The following DOCK2 variants were observed in gnomAD, a reference collection of about 807,000 sequenced individuals.
DOCK2 encodes dedicator of cytokinesis 2.
A neutral mutation model predicts 248.9 loss-of-function variants in DOCK2; 87 were observed. The ratio of observed to expected loss-of-function variants is 0.35; its 90% confidence interval spans 0.29 to 0.42. The LOEUF is 0.42. DOCK2 is among the 10% of genes least tolerant of loss of function. The probability of loss-of-function intolerance (pLI) is 1.00; values close to 1 mark genes in which losing one functional copy is unlikely to be tolerated. For missense variants in DOCK2, 1,747 were observed against 2,300.2 expected, an observed-to-expected ratio of 0.76 and a Z score of 4.92; for synonymous variants, 805 against 821.6, an observed-to-expected ratio of 0.98 and a Z score of 0.35.
intron 9 of DOCK2, 73 bp from the exon 10 acceptor site, chr5:169,695,730 A>G (rs768964322): frequency 3.8e-6 from 6 of 1,591,086 alleles, no homozygotes; most frequent in Admixed American, 3.6e-5. Flanking sequence ...AATTACTATT[A>G]CTGGGTTTTC....
chr5:169,658,875 G>A (rs1758279884), intron 2 of DOCK2, among the ~76,000 whole-genome samples: 2 of 150,916 alleles, frequency 1.3e-5, no homozygotes, highest in Non-Finnish European at 3.0e-5. Flanking sequence ...TGAAAAATAA[G>A]GCAAAAAAAG....
chr5:169,986,060 T>A, intron 29 of DOCK2, 138 bp downstream of exon 29: 1 of 774,624 alleles, frequency 1.3e-6, no homozygotes, highest in Non-Finnish European at 1.9e-6. Context: ...TTTCTATCTT[T>A]AAACCCAGGG....
chr5:169,689,176 G>A, intron 8 of DOCK2, 76 bp from the exon 9 acceptor site: 1 of 1,439,578 alleles, frequency 6.9e-7, no homozygotes, highest in Non-Finnish European at 9.8e-7. Context: ...GCACATAGTA[G>A]ATGCTTGGTG....
At chr5:169,694,846 A>T (rs932098906) in intron 9 of DOCK2, among the ~76,000 whole-genome samples, 4 of 152,020 alleles carry the variant, frequency 2.6e-5, no homozygotes, top group Admixed American at 6.6e-5. Context: ...ATGGTGGCTC[A>T]TGCCTGTAGT....
intron 25 of DOCK2, among the ~76,000 whole-genome samples, chr5:169,794,634 ATTTAC>A: frequency 6.6e-6 from 1 of 152,248 alleles, no homozygotes; most frequent in African/African-American, 2.4e-5. Flanking sequence ...GTTAAAAGTT[ATTTAC>A]TTTAGCTGGG....
intron 27 of DOCK2, among the ~76,000 whole-genome samples, chr5:169,932,011 C>T (rs1038561198): frequency 6.6e-6 from 1 of 152,312 alleles, no homozygotes; most frequent in Admixed American, 6.5e-5. Flanking sequence ...CAGCCATAAG[C>T]CCAACAGAGT....
At chr5:169,724,493 G>T (rs1762367076) in intron 22 of DOCK2, among the ~76,000 whole-genome samples, 1 of 152,114 alleles carries the variant, frequency 6.6e-6, no homozygotes, top group South Asian at 2.1e-4. Flanking sequence ...CCTGATGGGA[G>T]CTTCAGCACC....
chr5:170,045,962 G>T (rs1005362987), intron 39 of DOCK2, 57 bp downstream of exon 39: 1 of 1,536,792 alleles, frequency 6.5e-7, no homozygotes. Flanking sequence ...CAGGGCCTCA[G>T]CTCACCCCAG....
At chr5:170,014,640 G>A (rs930599823) in intron 32 of DOCK2, among the ~76,000 whole-genome samples, 8 of 131,650 alleles carry the variant, frequency 6.1e-5, no homozygotes, top group East Asian at 5.3e-4. Flanking sequence ...CATGTGTTGG[G>A]GGGGGTAGAC....
At chr5:169,741,485 T>A (rs1447984825) in intron 22 of DOCK2, among the ~76,000 whole-genome samples, 1 of 152,188 alleles carries the variant, frequency 6.6e-6, no homozygotes, top group East Asian at 1.9e-4. Context: ...TCCTTGACTC[T>A]TGTCTTAAAG....
intron 23 of DOCK2, 76 bp downstream of exon 23, chr5:169,747,580 CT>C: frequency 7.6e-7 from 1 of 1,312,030 alleles, no homozygotes; most frequent in Non-Finnish European, 1.1e-6. Flanking sequence ...ATAATATCTT[CT>C]TTTACTTAAA....
chr5:169,702,590 G>A, intron 14 of DOCK2, 163 bp downstream of exon 14: 1 of 964,700 alleles, frequency 1.0e-6, no homozygotes, highest in Non-Finnish European at 1.5e-6. Flanking sequence ...TTAGTGCAGT[G>A]TTCCATAATA....
intron 27 of DOCK2, among the ~76,000 whole-genome samples, chr5:169,842,806 G>T (rs1770063328): frequency 2.0e-5 from 3 of 152,122 alleles, no homozygotes; most frequent in African/African-American, 7.2e-5. Context: ...GGTAGAGTGA[G>T]GCTCTCTGTC....
intron 1 of DOCK2, among the ~76,000 whole-genome samples, chr5:169,650,602 G>A (rs779094722): frequency 2.2e-4 from 33 of 152,184 alleles, no homozygotes; most frequent in Admixed American, 2.6e-4. Flanking sequence ...CAGTGGATTC[G>A]ATTTCCAGGG....
At chr5:169,707,476 T>C (rs1429849228) in intron 14 of DOCK2, among the ~76,000 whole-genome samples, 1 of 152,232 alleles carries the variant, frequency 6.6e-6, no homozygotes, top group Non-Finnish European at 1.5e-5. Context: ...TACACATGTC[T>C]GTCATCACGT....
In DOCK2 at chr5:170,080,158, T is replaced by A. The variant is rs779983680; in HGVS notation, c.5167-5T>A. ...TGTGTGTGTGTGTCTGGTGTATTCC[T>A]CCAGCTTTCCAGGAAGCATGAGTTC... On this transcript the variant is annotated splice_region_variant and splice_polypyrimidine_tract_variant and intron_variant, in intron 49 of 51. Coordinates refer to ENST00000520908, the MANE Select transcript of DOCK2 (RefSeq NM_004946.3). 47 of 1,613,930 alleles carry A rather than the reference T, an allele frequency of 2.9e-5. No individual in the cohort carries two copies. In the Admixed American group the frequency reaches 7.7e-4, roughly 26 times the overall value.
chr5:169,884,085 C>T (rs1188120809), intron 27 of DOCK2: 1 of 455,002 alleles, frequency 2.2e-6, no homozygotes, highest in Non-Finnish European at 3.8e-6. Flanking sequence ...TACGTAGGAA[C>T]TATCTGTAAT....
intron 27 of DOCK2, among the ~76,000 whole-genome samples, chr5:169,854,873 A>T (rs1770806945): frequency 6.6e-6 from 1 of 152,254 alleles, no homozygotes; most frequent in Admixed American, 6.5e-5. Flanking sequence ...TCAATATAAT[A>T]TGAAAAGTGG....
chr5:169,822,465 T>C (rs1384395074), intron 26 of DOCK2, among the ~76,000 whole-genome samples: 16 of 152,106 alleles, frequency 1.1e-4, no homozygotes, highest in African/African-American at 2.9e-4. Context: ...TTAAGAAACT[T>C]ACTCAAAACC....
Sources: allele counts gnomAD v4.1 joint callset (sites outside exome capture counted in the v4.1 genomes callset), GRCh38; gene constraint gnomAD v4.1.1; transcripts MANE v1.5; gene names NCBI Gene and HGNC (gene_info 2026-07-23, HGNC 2026-07-21).